NFIA: variants seen among roughly 807,000 people sequenced by gnomAD.
NFIA encodes the protein nuclear factor I A, also known as nuclear factor 1 A-type.
Under a neutral mutation model 62.8 loss-of-function variants are expected in NFIA, and 8 were observed. The observed-to-expected ratio is 0.13, with a 90% confidence interval of 0.07 to 0.23. The LOEUF is 0.23. Among genes scored for constraint, NFIA ranks in the 10% least tolerant of loss-of-function variants. The probability of loss-of-function intolerance (pLI) is 1.00; values close to 1 mark genes in which losing one functional copy is unlikely to be tolerated. For synonymous variants in NFIA, 235 were observed against 238.1 expected, an observed-to-expected ratio of 0.99 and a Z score of 0.12; for missense variants, 410 against 642.1, an observed-to-expected ratio of 0.64 and a Z score of 3.91.
chr1:61,139,206 C>T (rs1228292496), intron 2 of NFIA, among the ~76,000 whole-genome samples: 1 of 152,038 alleles, frequency 6.6e-6, no homozygotes, highest in Non-Finnish European at 1.5e-5. Flanking sequence ...ACTCTCTGGG[C>T]TTGATTTCTT....
At chr1:61,262,248 G>T (rs1656810987) in intron 2 of NFIA, among the ~76,000 whole-genome samples, 1 of 152,128 alleles carries the variant, frequency 6.6e-6, no homozygotes, top group Non-Finnish European at 1.5e-5. Context: ...CCCAATTACT[G>T]TGCAAGTACC....
chr1:61,208,619 G>T (rs1653044287), intron 2 of NFIA, among the ~76,000 whole-genome samples: 1 of 152,110 alleles, frequency 6.6e-6, no homozygotes, highest in African/African-American at 2.4e-5. Flanking sequence ...TTTGCTGTCT[G>T]TACAATAGGA....
Position 61,280,335 on chromosome 1 carries a change from C to T in NFIA, c.625+2750C>T, listed in dbSNP as rs1041170668. 2.6e-5 allele frequency among the ~76,000 whole-genome samples: 4 copies of T among 152,126 alleles called. No individual in the cohort carries two copies. In the East Asian group the frequency reaches 5.8e-4, roughly 22 times the overall value. ...TTTTTGTTTTGAAAGAGGGAACTCT[C>T]ATAGGTGTATCAACAAAGCTCTAAG... On this transcript the variant is annotated intron_variant, in intron 3 of 10. Transcript: ENST00000403491.
chr1:61,175,923 A>G (rs1650311535), intron 2 of NFIA, among the ~76,000 whole-genome samples: 1 of 152,240 alleles, frequency 6.6e-6, no homozygotes, highest in African/African-American at 2.4e-5. Flanking sequence ...CAAAGACAAT[A>G]CAGCTTGATT....
At chr1:61,233,659 C>T (rs987550486) in intron 2 of NFIA, among the ~76,000 whole-genome samples, 1 of 152,060 alleles carries the variant, frequency 6.6e-6, no homozygotes, top group South Asian at 2.1e-4. Context: ...TCTCTGAGCC[C>T]GAGTTCCTTT....
chr1:61,218,957 C>T (rs763666818), intron 2 of NFIA, among the ~76,000 whole-genome samples: 2 of 152,290 alleles, frequency 1.3e-5, no homozygotes, highest in South Asian at 2.1e-4. Flanking sequence ...CTCAGCCAGG[C>T]GTGGTGGCTC....
chr1:61,082,676 C>T lies in NFIA; in HGVS notation c.-116C>T, dbSNP rs1646131927. On this transcript the variant is annotated 5_prime_UTR_variant, in exon 1 of 11. Transcript: ENST00000403491. ...TTGATTTTTTTTTCTCCCCCCTTCT[C>T]TCTCTCTCTCTCTCTCTCTCTTCCT... 8.6e-6 allele frequency: 9 copies of T among 1,043,776 alleles called. No homozygotes were observed. Among genetic ancestry groups the T allele is most frequent in the Admixed American group, 2.9e-5 (1 of 34,326 alleles). 64.7% of individuals were successfully genotyped at this position (1,043,776 alleles called of 1,614,324 possible).
chr1:61,324,290 G>A (rs902369311), intron 3 of NFIA, among the ~76,000 whole-genome samples: 3 of 152,156 alleles, frequency 2.0e-5, no homozygotes, highest in Non-Finnish European at 4.4e-5. Flanking sequence ...GAAGGAGGGA[G>A]CTTTTCCCGT....
chr1:61,364,873 G>A (rs1663499989), intron 6 of NFIA, among the ~76,000 whole-genome samples: 1 of 152,150 alleles, frequency 6.6e-6, no homozygotes, highest in Non-Finnish European at 1.5e-5. Context: ...GCTGCTCCAA[G>A]TGTGGTCTGA....
At chr1:61,233,846 G>A (rs1033255609) in intron 2 of NFIA, among the ~76,000 whole-genome samples, 1 of 152,316 alleles carries the variant, frequency 6.6e-6, no homozygotes, top group South Asian at 2.1e-4. Flanking sequence ...TTGGGAGGGT[G>A]TTTGGCCATG....
intron 3 of NFIA, among the ~76,000 whole-genome samples, chr1:61,281,408 C>T (rs1007756188): frequency 2.6e-5 from 4 of 152,114 alleles, no homozygotes; most frequent in African/African-American, 7.2e-5. Flanking sequence ...ACAACGAGTA[C>T]GTATATTCAA....
At chr1:61,126,763 C>G (rs1039730030) in intron 2 of NFIA, among the ~76,000 whole-genome samples, 1 of 140,482 alleles carries the variant, frequency 7.1e-6, no homozygotes, top group African/African-American at 2.6e-5. Context: ...TGGTCAGTAA[C>G]TATTGTCAGA....
intron 2 of NFIA, among the ~76,000 whole-genome samples, chr1:61,185,378 A>C (rs1026372250): frequency 2.0e-5 from 3 of 152,178 alleles, no homozygotes; most frequent in African/African-American, 4.8e-5. Flanking sequence ...AAAAAGGGGA[A>C]TATCTCCAGT....
At chr1:61,231,139 A>G (rs902273123) in intron 2 of NFIA, among the ~76,000 whole-genome samples, 5 of 152,184 alleles carry the variant, frequency 3.3e-5, no homozygotes, top group Admixed American at 2.0e-4. Context: ...GTTGAAATGT[A>G]TATTTTTAAC....
chr1:61,271,404 G>A (rs1657498630), intron 2 of NFIA, among the ~76,000 whole-genome samples: 1 of 152,204 alleles, frequency 6.6e-6, no homozygotes, highest in Non-Finnish European at 1.5e-5. Context: ...TTGAATTTCT[G>A]TAAATTTAAT....
rs10719154 is a variant in NFIA at position 61,118,191 on chromosome 1, CAA to C, written c.559+29524_559+29525del. 7.9e-3 allele frequency among the ~76,000 whole-genome samples: 1,037 copies of C among 131,218 alleles called. 13 individuals are homozygous for C. Among genetic ancestry groups the C allele is most frequent in the African/African-American group, 0.023 (785 of 34,600 alleles). The allele number at this position is 131,218 out of a possible 152,430, so 86.1% of individuals were successfully genotyped here. ...CAGAGTGAGACTCTGTCTCAAAGAA[CAA>C]AAAAAAAAAAAAGAAAAGAAAAAAA... On this transcript the variant is annotated intron_variant, in intron 2 of 10. Coordinates refer to ENST00000403491, the MANE Select transcript of NFIA (RefSeq NM_001134673.4).
rs1048594483 is a variant in NFIA, at chr1:61,322,508, A to T, written c.626-10004A>T. On this transcript the variant is annotated intron_variant, in intron 3 of 10. Coordinates refer to ENST00000403491, the MANE Select transcript of NFIA (RefSeq NM_001134673.4). ...CATGGTAGAAAGTGTTTTCGCTCAT[A>T]AAAAGGGGTAGAGACAATGTTCAGG... is the stretch of plus-strand genomic sequence containing the variant. 2.0e-5 allele frequency among the ~76,000 whole-genome samples: 3 copies of T among 152,082 alleles called. No homozygotes were observed. In the East Asian group the frequency reaches 5.8e-4, roughly 29 times the overall value.
chr1:61,343,318 A>C (rs1226675055), intron 4 of NFIA, among the ~76,000 whole-genome samples: 1 of 152,202 alleles, frequency 6.6e-6, no homozygotes, highest in African/African-American at 2.4e-5. Context: ...GGGTGGGAAA[A>C]TGTATCGGTT....
At chr1:61,380,682 CT>C (rs1176212997) in intron 6 of NFIA, among the ~76,000 whole-genome samples, 1 of 152,070 alleles carries the variant, frequency 6.6e-6, no homozygotes, top group African/African-American at 2.4e-5. Flanking sequence ...AATACGAACT[CT>C]TTAAAAATTG....
Sources: gnomAD v4.1 joint callset for allele counts (sites outside exome capture counted in the v4.1 genomes callset) on GRCh38, gnomAD v4.1.1 for gene constraint, MANE v1.5 for transcripts, NCBI Gene and HGNC (gene_info 2026-07-23, HGNC 2026-07-21) for gene names.